The following SHB variants were observed in gnomAD, a reference collection of about 807,000 sequenced individuals.
SHB encodes SH2 domain-containing adapter protein B.
Under a neutral mutation model 52.3 loss-of-function variants are expected in SHB, and 20 were observed. The ratio of observed to expected loss-of-function variants is 0.38; its 90% confidence interval spans 0.27 to 0.56. SHB has a LOEUF of 0.56. Among genes scored for constraint, SHB ranks in the 20% least tolerant of loss-of-function variants. The pLI, the probability that SHB is intolerant of heterozygous loss-of-function variation, is 0.71. For missense variants in SHB, 825 were observed against 723.3 expected, an observed-to-expected ratio of 1.14 and a Z score of -1.61; for synonymous variants, 397 against 316.5, an observed-to-expected ratio of 1.25 and a Z score of -2.70.
rs187318966 is a variant in SHB, at chr9:38,049,719, C to T, written c.717+18210G>A. Among the ~76,000 whole-genome samples the T allele has an allele frequency of 1.3e-4, 19 of 151,860 alleles. No homozygotes were observed. The East Asian group carries it at 3.7e-3, about 29-fold the overall frequency. Reference sequence around the variant, plus strand: ...CAGTCTGACCCTGAACCCAGACTAACCCTGGGCACTAACACTGGCCCACAC... The same window carrying T: ...CAGTCTGACCCTGAACCCAGACTAATCCTGGGCACTAACACTGGCCCACAC... On this transcript the variant is annotated intron_variant, in intron 1 of 5. Coordinates refer to ENST00000377707, the MANE Select transcript of SHB (RefSeq NM_003028.3).
chr9:37,995,263 A>G (rs1820933781), intron 2 of SHB, among the ~76,000 whole-genome samples: 1 of 152,178 alleles, frequency 6.6e-6, no homozygotes, highest in Non-Finnish European at 1.5e-5. Context: ...CTGAGGCTCC[A>G]GCTCATCCCA....
At chr9:38,023,549 G>C (rs1821306856) in intron 1 of SHB, among the ~76,000 whole-genome samples, 1 of 152,208 alleles carries the variant, frequency 6.6e-6, no homozygotes, top group African/African-American at 2.4e-5. Context: ...GACGTGAAAA[G>C]AAACCCCCGC....
intron 2 of SHB, among the ~76,000 whole-genome samples, chr9:37,975,980 T>C (rs1052334709): frequency 2.0e-5 from 3 of 152,240 alleles, no homozygotes; most frequent in African/African-American, 7.2e-5. Flanking sequence ...ACGTGCTTGC[T>C]GCCTACTTTA....
chr9:38,006,722 T>C lies in SHB; in HGVS notation c.838+9289A>G, dbSNP rs181664693. Among the ~76,000 whole-genome samples the C allele has an allele frequency of 1.2e-4, 18 of 152,314 alleles. No individual in the cohort carries two copies. In the East Asian group the frequency reaches 3.3e-3, roughly 28 times the overall value. On this transcript the variant is annotated intron_variant, in intron 2 of 5. Coordinates refer to ENST00000377707, the MANE Select transcript of SHB (RefSeq NM_003028.3). ...GCTCAGCAGGACTGCAATCTGTTTGTTGGGCCCTCACATCTATGAGGCTTA... is the reference window on the plus strand; with the variant it reads ...GCTCAGCAGGACTGCAATCTGTTTGCTGGGCCCTCACATCTATGAGGCTTA...
At chr9:37,931,927 C>A (rs1832315262) in intron 5 of SHB, among the ~76,000 whole-genome samples, 1 of 152,100 alleles carries the variant, frequency 6.6e-6, no homozygotes, top group Non-Finnish European at 1.5e-5. Context: ...TTGTCATTCA[C>A]CACACAGGAA....
chr9:38,024,716 G>A (rs1312162694), intron 1 of SHB, among the ~76,000 whole-genome samples: 1 of 152,122 alleles, frequency 6.6e-6, no homozygotes, highest in African/African-American at 2.4e-5. Context: ...GTTCTATTTT[G>A]AACTCAGAAA....
intron 2 of SHB, among the ~76,000 whole-genome samples, chr9:38,002,848 C>T (rs1015221465): frequency 3.3e-5 from 5 of 152,112 alleles, no homozygotes; most frequent in East Asian, 1.9e-4. Flanking sequence ...GGGTGGAGAC[C>T]GTGAGTTTTA....
intron 3 of SHB, among the ~76,000 whole-genome samples, chr9:37,973,079 T>A (rs1404118576): frequency 1.3e-5 from 2 of 152,236 alleles, no homozygotes; most frequent in Admixed American, 1.3e-4. Context: ...TTCTCTAGGT[T>A]ATTATGAACT....
chr9:38,030,009 C>T (rs1821393382), intron 1 of SHB, among the ~76,000 whole-genome samples: 1 of 152,234 alleles, frequency 6.6e-6, no homozygotes, highest in South Asian at 2.1e-4. Context: ...GTTTTCTCCA[C>T]ATCACTGCGA....
At chr9:37,985,590 T>C (rs930547776) in intron 2 of SHB, among the ~76,000 whole-genome samples, 5 of 152,140 alleles carry the variant, frequency 3.3e-5, no homozygotes, top group Non-Finnish European at 5.9e-5. Flanking sequence ...AGGGGGCGAG[T>C]GGGCCTCCCT....
intron 2 of SHB, among the ~76,000 whole-genome samples, chr9:37,978,287 T>G (rs1348627264): frequency 6.6e-6 from 1 of 152,206 alleles, no homozygotes; most frequent in African/African-American, 2.4e-5. Flanking sequence ...TCCAGAAGCA[T>G]CTGCACCTTA....
chr9:37,934,716 A>C (rs897508310), intron 5 of SHB, among the ~76,000 whole-genome samples: 1 of 152,220 alleles, frequency 6.6e-6, no homozygotes, highest in Admixed American at 6.5e-5. Flanking sequence ...TCTGGGGGGC[A>C]AATCCTCTCA....
At chr9:37,934,490 C>T (rs1293600484) in intron 5 of SHB, among the ~76,000 whole-genome samples, 4 of 151,856 alleles carry the variant, frequency 2.6e-5, no homozygotes, top group Admixed American at 2.6e-4. Context: ...TTGTAGAGAC[C>T]TCGTCTCACT....
intron 4 of SHB, 43 bp from the exon 5 acceptor site, chr9:37,948,797 A>T: frequency 6.2e-7 from 1 of 1,610,840 alleles, no homozygotes; most frequent in Non-Finnish European, 8.5e-7. Flanking sequence ...GCGCGATGGG[A>T]TTCCCATGGC....
At chr9:38,022,813 G>A (rs1821297702) in intron 1 of SHB, among the ~76,000 whole-genome samples, 1 of 152,222 alleles carries the variant, frequency 6.6e-6, no homozygotes, top group South Asian at 2.1e-4. Context: ...ACAGACACAA[G>A]CCAGGTGATT....
intron 5 of SHB, among the ~76,000 whole-genome samples, chr9:37,925,771 T>C (rs1189565575): frequency 6.6e-6 from 1 of 152,244 alleles, no homozygotes; most frequent in Non-Finnish European, 1.5e-5. Flanking sequence ...TGTTGGGCCA[T>C]TTTAAACATT....
intron 1 of SHB, among the ~76,000 whole-genome samples, chr9:38,066,798 G>A (rs1241688187): frequency 6.6e-6 from 1 of 152,122 alleles, no homozygotes; most frequent in Non-Finnish European, 1.5e-5. Context: ...GCAGGTAAGA[G>A]CCTGTCTCCC....
At chr9:37,992,472 G>T (rs1425783147) in intron 2 of SHB, among the ~76,000 whole-genome samples, 1 of 152,188 alleles carries the variant, frequency 6.6e-6, no homozygotes, top group African/African-American at 2.4e-5. Flanking sequence ...TAAAAACGTG[G>T]TCTTCTTTGG....
chr9:38,033,476 G>A (rs370387302), intron 1 of SHB, among the ~76,000 whole-genome samples: 2 of 152,134 alleles, frequency 1.3e-5, no homozygotes, highest in Non-Finnish European at 2.9e-5. Flanking sequence ...TTGAGCCCGC[G>A]AGTTCGAGAC....
Sources: gnomAD v4.1 joint callset for allele counts (sites outside exome capture counted in the v4.1 genomes callset) on GRCh38, gnomAD v4.1.1 for gene constraint, MANE v1.5 for transcripts, NCBI Gene and HGNC (gene_info 2026-07-23, HGNC 2026-07-21) for gene names.